Variants in DIAPH2 observed in about 807,000 individuals in gnomAD.
The protein encoded by DIAPH2 is protein diaphanous homolog 2.
Under a neutral mutation model 92.7 loss-of-function variants are expected in DIAPH2, and 35 were observed. The observed-to-expected ratio is 0.38, with a 90% CI of 0.29 to 0.50. The LOEUF is 0.50. DIAPH2 is among the 20% of genes least tolerant of loss of function. The pLI is 0.94. For synonymous variants in DIAPH2, 301 were observed against 280.4 expected (o/e 1.07, Z -0.73); for missense variants, 701 against 819.5 (o/e 0.86, Z 1.77).
chrX:97,249,846 A>T (rs1423034253), intron 23 of DIAPH2, among the ~76,000 whole-genome samples: 1 of 111,894 alleles, frequency 8.9e-6, no homozygotes, highest in Non-Finnish European at 1.9e-5. Context: ...CACGCCTGTA[A>T]TCCCAGCACT....
chrX:97,597,853 C>T (rs897160403), intron 26 of DIAPH2, among the ~76,000 whole-genome samples: 6 of 111,538 alleles, frequency 5.4e-5, no homozygotes, highest in African/African-American at 2.0e-4. Context: ...ATCCATCACT[C>T]AGATATATCT....
intron 17 of DIAPH2, among the ~76,000 whole-genome samples, chrX:97,034,455 A>G (rs1256037741): frequency 9.2e-6 from 1 of 109,230 alleles, no homozygotes; most frequent in Non-Finnish European, 1.9e-5. Flanking sequence ...TCAATGTGGA[A>G]TTGTCAAGTC....
In DIAPH2 at chrX:96,965,010, T is replaced by A. The variant is rs1161237821; in HGVS notation, c.1936-83T>A. The A allele has an allele frequency of 3.0e-6, 3 of 1,013,200 alleles. No homozygotes were observed. The African/African-American group carries it at 5.8e-5, about 20-fold the overall frequency. The allele number at this position is 1,013,200 out of a possible 1,213,427, so 83.5% of individuals were successfully genotyped here. A position where few individuals can be genotyped will look rare whatever the true frequency, so the allele number is the denominator to read the frequency against. The stretch of plus-strand genomic sequence containing the variant: ...GATAGAGGAATAAAGGAACTGTCAT[T>A]CAACCTTGCTGAAAGTTAGTTCCTT... On this transcript the variant is annotated intron_variant, in intron 16 of 26. Coordinates refer to ENST00000324765, the MANE Select transcript of DIAPH2 (RefSeq NM_006729.5).
chrX:97,456,413 G>A (rs2070406203), intron 26 of DIAPH2, among the ~76,000 whole-genome samples: 1 of 110,887 alleles, frequency 9.0e-6, no homozygotes, highest in African/African-American at 3.3e-5. Flanking sequence ...GCAATCTTCA[G>A]TGATAAACCA....
intron 22 of DIAPH2, among the ~76,000 whole-genome samples, chrX:97,142,099 A>G (rs918764961): frequency 9.0e-6 from 1 of 111,642 alleles, no homozygotes; most frequent in Admixed American, 9.6e-5. Flanking sequence ...AAGGAACCAT[A>G]CTATAGGGCT....
chrX:97,590,104 T>C (rs1204578688), intron 26 of DIAPH2, among the ~76,000 whole-genome samples: 1 of 112,380 alleles, frequency 8.9e-6, no homozygotes. Flanking sequence ...TTATAGACTC[T>C]TGCATTGTAA....
In DIAPH2 at chrX:97,187,281, C is replaced by CTTTTTTTTTTTTTTTT. The variant is rs763781923; in HGVS notation, c.2719+45495_2719+45510dup. ...AGGGATTGAAGACTAATTAAGTAGC[C>CTTTTTTTTTTTTTTTT]TTTTTTTTTTTTTTTTTTTTTTTGC... On this transcript the variant is annotated intron_variant, in intron 22 of 26. Transcript: ENST00000324765. 2.3e-3 allele frequency among the ~76,000 whole-genome samples: 85 copies of CTTTTTTTTTTTTTTTT among 36,877 alleles called. 21 individuals are homozygous for CTTTTTTTTTTTTTTTT. Among genetic ancestry groups the CTTTTTTTTTTTTTTTT allele is most frequent in the African/African-American group, 4.8e-3 (46 of 9,663 alleles). The allele number at this position is 36,877 out of a possible 115,157, so 32.0% of individuals were successfully genotyped here. A position where few individuals can be genotyped will look rare whatever the true frequency, so the allele number is the denominator to read the frequency against.
chrX:97,375,701 G>A (rs141734514), intron 24 of DIAPH2, among the ~76,000 whole-genome samples: 32 of 111,656 alleles, frequency 2.9e-4, no homozygotes, highest in Admixed American at 1.9e-3. Flanking sequence ...CTAGTTCACT[G>A]GTCTGGACAA....
intron 4 of DIAPH2, among the ~76,000 whole-genome samples, chrX:96,822,193 A>G (rs1185884674): frequency 8.9e-6 from 1 of 111,755 alleles, no homozygotes; most frequent in African/African-American, 3.2e-5. Flanking sequence ...ACAAGAAACC[A>G]TCAAATTTAC....
intron 17 of DIAPH2, among the ~76,000 whole-genome samples, chrX:97,010,677 T>G (rs1449701718): frequency 3.6e-5 from 4 of 112,019 alleles, no homozygotes; most frequent in Admixed American, 1.9e-4. Flanking sequence ...CAGAACATTA[T>G]TTTTATTGTT....
intron 20 of DIAPH2, among the ~76,000 whole-genome samples, chrX:97,108,903 C>T (rs988936835): frequency 2.7e-5 from 3 of 110,985 alleles, no homozygotes; most frequent in African/African-American, 6.6e-5. Flanking sequence ...ATAAGGACCC[C>T]GGTTTCTTCA....
At chrX:97,131,163 A>G (rs1488214312) in intron 21 of DIAPH2, among the ~76,000 whole-genome samples, 2 of 111,106 alleles carry the variant, frequency 1.8e-5, no homozygotes, top group South Asian at 3.8e-4. Context: ...AATTATATCC[A>G]AAACAGTGAT....
rs2069791095 is a variant in DIAPH2, at chrX:97,404,666, G to A, written c.3145+20622G>A. ...GCTTGTGTCATATTGGAAATGTTAG[G>A]GGAAAAATTGAATTTTGAATGTGAA... On this transcript the variant is annotated intron_variant, in intron 25 of 26. Transcript: ENST00000324765. Among the ~76,000 whole-genome samples, 3 of 111,602 alleles carry A rather than the reference G, an allele frequency of 2.7e-5. No individual in the cohort carries two copies. The South Asian group carries it at 1.1e-3, about 42-fold the overall frequency.
intron 22 of DIAPH2, among the ~76,000 whole-genome samples, chrX:97,209,436 A>T (rs182231927): frequency 9.0e-6 from 1 of 111,701 alleles, no homozygotes; most frequent in Admixed American, 9.6e-5. Context: ...AATTGTGCCA[A>T]TACATATAAA....
At chrX:96,970,311 T>C (rs1410755677) in intron 17 of DIAPH2, among the ~76,000 whole-genome samples, 1 of 111,667 alleles carries the variant, frequency 9.0e-6, no homozygotes, top group Non-Finnish European at 1.9e-5. Context: ...TTTCTATGTC[T>C]GGTAGACTTC....
chrX:97,430,522 GT>G (rs1248802512), intron 26 of DIAPH2, among the ~76,000 whole-genome samples: 1 of 112,494 alleles, frequency 8.9e-6, no homozygotes, highest in Non-Finnish European at 1.9e-5. Context: ...AATTAGGTAT[GT>G]TGATTTTAAG....
At chrX:96,862,958 C>T (rs1040446343) in intron 4 of DIAPH2, among the ~76,000 whole-genome samples, 1 of 110,663 alleles carries the variant, frequency 9.0e-6, no homozygotes, top group Non-Finnish European at 1.9e-5. Context: ...ATATGAGAAA[C>T]GCTTTATGGG....
At chrX:97,423,557 G>A (rs2070031353) in intron 25 of DIAPH2, among the ~76,000 whole-genome samples, 1 of 111,523 alleles carries the variant, frequency 9.0e-6, no homozygotes, top group African/African-American at 3.3e-5. Flanking sequence ...CAAATACTAA[G>A]GGAAACATGA....
intron 1 of DIAPH2, among the ~76,000 whole-genome samples, chrX:96,722,034 A>G (rs1309436561): frequency 9.0e-6 from 1 of 111,013 alleles, no homozygotes; most frequent in Admixed American, 9.6e-5. Flanking sequence ...ATTTCCTTTT[A>G]GGTATTCATG....
Sources: gnomAD v4.1 joint callset for allele counts (sites outside exome capture counted in the v4.1 genomes callset) on GRCh38, gnomAD v4.1.1 for gene constraint, MANE v1.5 for transcripts, NCBI Gene and HGNC (gene_info 2026-07-23, HGNC 2026-07-21) for gene names.